TPX2: variants seen among roughly 807,000 people sequenced by gnomAD.
The protein encoded by TPX2 is targeting protein for Xklp2.
In TPX2, 21 loss-of-function variants were observed where a neutral mutation model predicts 93.6. The observed-to-expected ratio is 0.22, with a 90% CI of 0.16 to 0.32. The LOEUF is 0.32. TPX2 is among the 10% of genes least tolerant of loss of function. The probability of loss-of-function intolerance (pLI) is 1.00; values close to 1 mark genes in which losing one functional copy is unlikely to be tolerated. For missense variants in TPX2, 776 were observed against 871.1 expected, an observed-to-expected ratio of 0.89 and a Z score of 1.37; for synonymous variants, 281 against 298.3, an observed-to-expected ratio of 0.94 and a Z score of 0.60.
intron 7 of TPX2, 70 bp downstream of exon 7, chr20:31,771,752 G>GT: frequency 6.5e-7 from 1 of 1,537,068 alleles, no homozygotes; most frequent in Admixed American, 2.0e-5. Flanking sequence ...TCTACAACCT[G>GT]TTTGGTGTAC....
intron 7 of TPX2, among the ~76,000 whole-genome samples, chr20:31,773,438 A>T (rs1197209066): frequency 6.7e-6 from 1 of 149,308 alleles, no homozygotes; most frequent in Admixed American, 6.6e-5. Flanking sequence ...GGTGTGAGCC[A>T]CCATGCCTGG....
intron 4 of TPX2, among the ~76,000 whole-genome samples, chr20:31,764,135 T>TATACATGTATGTGTACATACATGTACAC (rs568367390): frequency 1.3e-4 from 20 of 151,688 alleles, no homozygotes; most frequent in African/African-American, 4.1e-4. Context: ...TATATGTACA[T>TATACATGTATGTGTACATACATGTACAC]ATACATGTAT....
chr20:31,756,768 C>A (rs1159198304), intron 2 of TPX2, among the ~76,000 whole-genome samples: 1 of 151,908 alleles, frequency 6.6e-6, no homozygotes, highest in African/African-American at 2.4e-5. Context: ...GAATTACAGG[C>A]GCCTGCCACC....
chr20:31,796,102 G>A (rs1258376228), intron 15 of TPX2, among the ~76,000 whole-genome samples: 1 of 152,058 alleles, frequency 6.6e-6, no homozygotes, highest in Non-Finnish European at 1.5e-5. Flanking sequence ...GGCATTTTCT[G>A]CAAAGAACAA....
At chr20:31,800,433 T>A (rs1463281438) in intron 17 of TPX2, among the ~76,000 whole-genome samples, 1 of 152,240 alleles carries the variant, frequency 6.6e-6, no homozygotes, top group African/African-American at 2.4e-5. Context: ...TGGTTAACTC[T>A]CTACTAATCT....
chr20:31,794,484 T>C lies in TPX2; in HGVS notation c.1769T>C (p.Ile590Thr). ...AAGAAGGTAAAGAATGTGACCCAGA[T>C]TGAACCTTTCTGCTTGGAGACTGAC... Reference protein sequence around the residue: ...PEKKVKNVTQIEPFCLETDRR... With the variant: ...PEKKVKNVTQTEPFCLETDRR... Residue 590 changes from isoleucine (I) to threonine (T), a missense_variant, in exon 15 of 18, where the codon ATT (isoleucine) becomes ACT (threonine). By Grantham distance (89) the Ile-to-Thr change is moderately conservative. Transcript: ENST00000300403. 1.2e-6 allele frequency: 2 copies of C among 1,614,142 alleles called. No homozygotes were observed. Among genetic ancestry groups the C allele is most frequent in the Non-Finnish European group, 1.7e-6 (2 of 1,180,036 alleles).
intron 11 of TPX2, among the ~76,000 whole-genome samples, chr20:31,783,242 A>G (rs2062045108): frequency 6.6e-6 from 1 of 151,298 alleles, no homozygotes; most frequent in South Asian, 2.1e-4. Context: ...TTATTCTTTT[A>G]TTATTTTTTA....
intron 1 of TPX2, among the ~76,000 whole-genome samples, chr20:31,741,131 G>A (rs375424786): frequency 1.1e-4 from 16 of 152,186 alleles, no homozygotes; most frequent in African/African-American, 3.4e-4. Context: ...GATGTTCAGG[G>A]CTCATCTACA....
At chr20:31,756,693 G>A (rs1335310508) in intron 2 of TPX2, among the ~76,000 whole-genome samples, 4 of 151,798 alleles carry the variant, frequency 2.6e-5, no homozygotes, top group Non-Finnish European at 4.4e-5. Flanking sequence ...GCGCGATCTC[G>A]ACTCACTGCA....
chr20:31,747,042 C>A (rs1326381151), intron 2 of TPX2, among the ~76,000 whole-genome samples: 1 of 152,196 alleles, frequency 6.6e-6, no homozygotes, highest in African/African-American at 2.4e-5. Flanking sequence ...TGTTAATGCC[C>A]TCTTGCAGCA....
At chr20:31,799,366 TCTATC>T (rs2062156343) in intron 17 of TPX2, among the ~76,000 whole-genome samples, 1 of 152,244 alleles carries the variant, frequency 6.6e-6, no homozygotes, top group Non-Finnish European at 1.5e-5. Context: ...TTTCAAGAGA[TCTATC>T]ATATAACAAG....
intron 15 of TPX2, among the ~76,000 whole-genome samples, chr20:31,795,035 A>C (rs1009754611): frequency 1.3e-5 from 2 of 151,958 alleles, no homozygotes; most frequent in African/African-American, 4.8e-5. Flanking sequence ...GTTAGCCAGG[A>C]TGGTCTCAAT....
At chr20:31,797,763 C>T (rs1205981627) in intron 16 of TPX2, among the ~76,000 whole-genome samples, 5 of 152,144 alleles carry the variant, frequency 3.3e-5, no homozygotes, top group Admixed American at 2.6e-4. Context: ...GGCATTTCAA[C>T]AACAATGATA....
chr20:31,775,854 A>G lies in TPX2; in HGVS notation c.609-13A>G, dbSNP rs1192872845. On this transcript the variant is annotated splice_polypyrimidine_tract_variant and intron_variant, in intron 7 of 17. Coordinates refer to ENST00000300403, the MANE Select transcript of TPX2 (RefSeq NM_012112.5). ...TCCTCTCCTCTCTTCTCATTTACTG[A>G]TTTTCTCTTTAGGCAGAAGTTTCTA... The G allele has an allele frequency of 1.3e-6, 2 of 1,542,706 alleles. No individual in the cohort carries two copies. Among genetic ancestry groups the G allele is most frequent in the African/African-American group, 2.8e-5 (2 of 72,188 alleles).
chr20:31,797,588 G>A, intron 16 of TPX2, 73 bp downstream of exon 16: 1 of 1,333,890 alleles, frequency 7.5e-7, no homozygotes, highest in South Asian at 1.2e-5. Flanking sequence ...GGAATTCAGT[G>A]TGTCAGTACA....
At chr20:31,761,392 G>A (rs2122992924) in intron 4 of TPX2, among the ~76,000 whole-genome samples, 1 of 152,038 alleles carries the variant, frequency 6.6e-6, no homozygotes, top group South Asian at 2.1e-4. Context: ...AGTAGAGACA[G>A]GGTTTCACCA....
intron 5 of TPX2, among the ~76,000 whole-genome samples, chr20:31,768,166 T>C (rs1047912456): frequency 6.6e-6 from 1 of 151,938 alleles, no homozygotes; most frequent in Admixed American, 6.6e-5. Flanking sequence ...TCTCCTGAGC[T>C]CAAGCGATCT....
chr20:31,789,612 C>CA (rs201001634), intron 12 of TPX2, among the ~76,000 whole-genome samples: 2,928 of 140,662 alleles, frequency 0.021, 38 homozygotes, highest in Non-Finnish European at 0.028. Context: ...ATAGCAAAAA[C>CA]AAAAAAAAAC....
intron 12 of TPX2, among the ~76,000 whole-genome samples, chr20:31,786,511 C>A (rs915786990): frequency 6.6e-6 from 1 of 151,682 alleles, no homozygotes; most frequent in African/African-American, 2.4e-5. Flanking sequence ...TCAACCAATT[C>A]TCATGCCTCA....
Sources: allele counts gnomAD v4.1 joint callset (sites outside exome capture counted in the v4.1 genomes callset), GRCh38; gene constraint gnomAD v4.1.1; transcripts MANE v1.5; gene names NCBI Gene and HGNC (gene_info 2026-07-23, HGNC 2026-07-21).